ADAMTSL3: variants seen among roughly 807,000 people sequenced by gnomAD.
ADAMTSL3 encodes the protein ADAMTS like 3.
ADAMTSL3 carries 128 observed loss-of-function variants against 201.7 expected under a neutral mutation model. The observed-to-expected ratio is 0.63, with a 90% CI of 0.55 to 0.73. The LOEUF (loss-of-function observed/expected upper bound fraction) is 0.73, where lower values mean the gene tolerates loss of function less well. Among genes scored for constraint, ADAMTSL3 ranks in the 30% least tolerant of loss-of-function variants. The pLI is 0.00. For missense variants in ADAMTSL3, 1,990 were observed against 2,119.6 expected, an observed-to-expected ratio of 0.94 and a Z score of 1.20; for synonymous variants, 738 against 748.4, an observed-to-expected ratio of 0.99 and a Z score of 0.23.
intron 3 of ADAMTSL3, among the ~76,000 whole-genome samples, chr15:83,708,645 C>T (rs2061888272): frequency 6.6e-6 from 1 of 152,176 alleles, no homozygotes. Context: ...ACGTTTTGGA[C>T]TTTGGATTCT....
At chr15:83,926,011 A>G (rs1404683232) in intron 17 of ADAMTSL3, among the ~76,000 whole-genome samples, 1 of 152,168 alleles carries the variant, frequency 6.6e-6, no homozygotes, top group Non-Finnish European at 1.5e-5. Flanking sequence ...TGTTTTCTTA[A>G]ATTTAATCTG....
intron 23 of ADAMTSL3, among the ~76,000 whole-genome samples, chr15:84,002,093 G>T (rs1384703538): frequency 1.3e-5 from 2 of 152,126 alleles, no homozygotes; most frequent in African/African-American, 4.8e-5. Flanking sequence ...TTGAAAAAAT[G>T]ATTTTCTTTG....
At chr15:84,009,561 A>G (rs2067967925) in intron 23 of ADAMTSL3, among the ~76,000 whole-genome samples, 1 of 152,236 alleles carries the variant, frequency 6.6e-6, no homozygotes, top group South Asian at 2.1e-4. Flanking sequence ...TGTTGGCATA[A>G]AAAATATTTT....
At chr15:83,884,805 T>C (rs1161572380) in intron 9 of ADAMTSL3, among the ~76,000 whole-genome samples, 1 of 152,148 alleles carries the variant, frequency 6.6e-6, no homozygotes, top group Admixed American at 6.5e-5. Flanking sequence ...AGAAAGACAG[T>C]GTGAAACGAA....
At chr15:84,019,064 A>G (rs1327748347) in intron 25 of ADAMTSL3, among the ~76,000 whole-genome samples, 1 of 75,336 alleles carries the variant, frequency 1.3e-5, no homozygotes, top group East Asian at 4.8e-4. Flanking sequence ...AATATCCCCC[A>G]CCACACACAC....
chr15:83,707,690 T>C (rs2061872321), intron 3 of ADAMTSL3, among the ~76,000 whole-genome samples: 1 of 152,238 alleles, frequency 6.6e-6, no homozygotes, highest in African/African-American at 2.4e-5. Context: ...TTTTTGATTT[T>C]ATATAAATGG....
At chr15:83,890,387 T>A in intron 11 of ADAMTSL3, 140 bp downstream of exon 11, 1 of 1,060,334 alleles carries the variant, frequency 9.4e-7, no homozygotes, top group Non-Finnish European at 1.3e-6. Flanking sequence ...TTCACATTTG[T>A]AACTATGGTG....
intron 20 of ADAMTSL3, 80 bp downstream of exon 20, chr15:83,970,717 C>G (rs1251611950): frequency 1.3e-6 from 2 of 1,537,458 alleles, no homozygotes; most frequent in South Asian, 1.2e-5. Context: ...TTCCATACGT[C>G]AACAGATTTC....
At chr15:83,900,791 A>G (rs1247475454) in intron 15 of ADAMTSL3, among the ~76,000 whole-genome samples, 1 of 151,072 alleles carries the variant, frequency 6.6e-6, no homozygotes, top group Non-Finnish European at 1.5e-5. Context: ...TCTGAAGCAG[A>G]AAAAAAAATA....
intron 3 of ADAMTSL3, among the ~76,000 whole-genome samples, chr15:83,726,559 G>A (rs1053446848): frequency 1.3e-5 from 2 of 151,986 alleles, no homozygotes; most frequent in African/African-American, 2.4e-5. Context: ...TTATGTTGAT[G>A]TATGTTCCTT....
chr15:83,992,062 C>T (rs1317146139), intron 23 of ADAMTSL3, among the ~76,000 whole-genome samples: 2 of 152,100 alleles, frequency 1.3e-5, no homozygotes, highest in African/African-American at 2.4e-5. Flanking sequence ...CTTTGATTTC[C>T]CTAGCTTCCA....
intron 2 of ADAMTSL3, among the ~76,000 whole-genome samples, chr15:83,662,080 C>A (rs1276522887): frequency 1.4e-5 from 2 of 143,906 alleles, no homozygotes; most frequent in Admixed American, 7.0e-5. Context: ...TGGGTATACA[C>A]CCAAATGACT....
chr15:83,935,550 G>GA (rs1055186203), intron 17 of ADAMTSL3, among the ~76,000 whole-genome samples: 1 of 151,394 alleles, frequency 6.6e-6, no homozygotes, highest in Non-Finnish European at 1.5e-5. Context: ...TCCCAAACGG[G>GA]AAAAAAAATA....
At chr15:83,954,991 C>T (rs199744324) in intron 19 of ADAMTSL3, among the ~76,000 whole-genome samples, 1 of 152,346 alleles carries the variant, frequency 6.6e-6, no homozygotes, top group East Asian at 1.9e-4. Context: ...CCACTGCAGC[C>T]ACTATCTGGT....
intron 19 of ADAMTSL3, among the ~76,000 whole-genome samples, chr15:83,967,484 C>G (rs1018459698): frequency 6.6e-6 from 1 of 152,078 alleles, no homozygotes; most frequent in Non-Finnish European, 1.5e-5. Context: ...ATGTGAAGGA[C>G]CTCTTCAAGG....
chr15:83,952,805 CAAA>C (rs59518430), intron 19 of ADAMTSL3, among the ~76,000 whole-genome samples: 9 of 111,698 alleles, frequency 8.1e-5, no homozygotes, highest in Middle Eastern at 4.1e-3. Context: ...GATTCCACCT[CAAA>C]AAAAAAAAAA....
At chr15:83,726,755 A>T (rs1358246024) in intron 3 of ADAMTSL3, among the ~76,000 whole-genome samples, 1 of 151,964 alleles carries the variant, frequency 6.6e-6, no homozygotes, top group Non-Finnish European at 1.5e-5. Context: ...CTAGGTCATG[A>T]TGAATAATCT....
intron 2 of ADAMTSL3, among the ~76,000 whole-genome samples, chr15:83,695,228 ATGTGTGTGTGTGTGTGTGTGTG>A (rs2061668370): frequency 2.0e-3 from 1 of 504 alleles, no homozygotes. Flanking sequence ...TGTGTGTGTA[ATGTGTGTGTGTGTGTGTGTGTG>A]TGTGTGTGTG....
rs2068539601 is a variant in ADAMTSL3, at chr15:84,037,860, T to A, written c.*54T>A. On this transcript the variant is annotated 3_prime_UTR_variant, in exon 30 of 30. Transcript: ENST00000286744. ...GAAGATAAAAGTAGAATATAAAAGC[T>A]CTTTTCCCCATGTCGCTGATTCAAA... 6.4e-7 allele frequency: 1 copy of A among 1,556,974 alleles called. No individual in the cohort carries two copies. The highest frequency in any genetic ancestry group is 8.6e-7 in the Non-Finnish European group (1 of 1,158,266).
Sources: allele counts gnomAD v4.1 joint callset (sites outside exome capture counted in the v4.1 genomes callset), GRCh38; gene constraint gnomAD v4.1.1; transcripts MANE v1.5; gene names NCBI Gene and HGNC (gene_info 2026-07-23, HGNC 2026-07-21).